LVRN: variants seen among roughly 807,000 people sequenced by gnomAD.
The protein encoded by LVRN is laeverin.
Under a neutral mutation model 111.4 loss-of-function variants are expected in LVRN, and 99 were observed. That is an observed-to-expected ratio of 0.89 (90% CI 0.76 to 1.05). The LOEUF is 1.05. LVRN is among the 50% of genes least tolerant of loss of function. The probability of loss-of-function intolerance (pLI) is 0.00; values close to 1 mark genes in which losing one functional copy is unlikely to be tolerated. For synonymous variants in LVRN, 488 were observed against 449.5 expected, an observed-to-expected ratio of 1.09 and a Z score of -1.08; for missense variants, 1,414 against 1,206.8, an observed-to-expected ratio of 1.17 and a Z score of -2.54.
chr5:116,005,974 A>T lies in LVRN; in HGVS notation c.2093+7A>T. 1 of 1,584,286 alleles carries T rather than the reference A, an allele frequency of 6.3e-7. No individual in the cohort carries two copies. The highest frequency in any genetic ancestry group is 8.7e-7 in the Non-Finnish European group (1 of 1,153,546). ...ATGCCTTTTCCTTGTCTAAGTGAGT[A>T]TATTTTCTTCTCTCATGGTTTCAGA... On this transcript the variant is annotated splice_region_variant and intron_variant, in intron 13 of 19. Transcript: ENST00000357872.
intron 1 of LVRN, among the ~76,000 whole-genome samples, chr5:115,969,760 A>T (rs930287143): frequency 2.7e-5 from 4 of 148,076 alleles, no homozygotes; most frequent in African/African-American, 1.0e-4. Flanking sequence ...AGATCGTGCC[A>T]CTGCACTCCA....
chr5:115,975,888 TG>T (rs1002517597), intron 1 of LVRN: 1 of 158,836 alleles, frequency 6.3e-6, no homozygotes, highest in African/African-American at 2.4e-5. Flanking sequence ...AATTGTAATT[TG>T]TTTTTTAAAA....
intron 6 of LVRN, among the ~76,000 whole-genome samples, chr5:115,996,501 C>T (rs1214900711): frequency 6.6e-6 from 1 of 152,126 alleles, no homozygotes; most frequent in African/African-American, 2.4e-5. Context: ...CTTAAGCTCT[C>T]CTTTCAATGA....
intron 10 of LVRN, among the ~76,000 whole-genome samples, chr5:116,001,709 G>A (rs558383090): frequency 2.3e-4 from 35 of 152,270 alleles, no homozygotes; most frequent in African/African-American, 5.8e-4. Context: ...GGATGCGTGC[G>A]TTTGTGTATT....
chr5:116,009,801 G>A (rs764966077), intron 13 of LVRN, among the ~76,000 whole-genome samples: 1 of 152,188 alleles, frequency 6.6e-6, no homozygotes, highest in East Asian at 1.9e-4. Context: ...AAGGAAAGTG[G>A]ATTCTTGAGA....
rs760159625 is a variant in LVRN at position 116,026,044 on chromosome 5, A to T, written c.2899A>T (p.Thr967Ser). 2 of 1,613,846 alleles carry T rather than the reference A, an allele frequency of 1.2e-6. No individual in the cohort carries two copies. Among genetic ancestry groups the T allele is most frequent in the East Asian group, 2.2e-5 (1 of 44,890 alleles). The change falls in exon 20 of 20, where the codon ACA (threonine) becomes TCA (serine). Residue 967 changes from threonine (T) to serine (S), a missense_variant. By Grantham distance (58) the Thr-to-Ser change is moderately conservative (BLOSUM62 1). Coordinates refer to ENST00000357872, the MANE Select transcript of LVRN (RefSeq NM_173800.5). ...QRIRVHANLQ[T>S]IKNENLKNKK... ...GATCAGAGTTCATGCCAACTTACAGACAATAAAGAATGAAAATCTGAAAAA... is the reference window on the plus strand; with the variant it reads ...GATCAGAGTTCATGCCAACTTACAGTCAATAAAGAATGAAAATCTGAAAAA...
chr5:115,990,682 C>A (rs1747966471), intron 4 of LVRN, among the ~76,000 whole-genome samples: 1 of 152,136 alleles, frequency 6.6e-6, no homozygotes, highest in African/African-American at 2.4e-5. Context: ...AGTGATTCTC[C>A]TGCCTCAGTC....
In LVRN at chr5:115,994,162, G is replaced by A. The variant is rs759315713; in HGVS notation, c.1374+308G>A. Among the ~76,000 whole-genome samples, 9 of 151,886 alleles carry A rather than the reference G, an allele frequency of 5.9e-5. No individual in the cohort carries two copies. In the South Asian group the frequency reaches 6.2e-4, roughly 11 times the overall value. On this transcript the variant is annotated intron_variant, in intron 6 of 19. Coordinates refer to ENST00000357872, the MANE Select transcript of LVRN (RefSeq NM_173800.5). The stretch of plus-strand genomic sequence containing the variant: ...TCCTGAGTATTTCTACAAATCATTA[G>A]ATCTTTTTAAAAAAGATTTTAAATG...
At chr5:116,015,156 C>A in intron 16 of LVRN, 96 bp from the exon 17 acceptor site, 1 of 1,001,380 alleles carries the variant, frequency 1.0e-6, no homozygotes, top group Non-Finnish European at 1.4e-6. Flanking sequence ...ATATCTGTGA[C>A]TATAAATATT....
intron 3 of LVRN, among the ~76,000 whole-genome samples, chr5:115,985,068 G>C (rs1041606966): frequency 6.6e-6 from 1 of 152,160 alleles, no homozygotes; most frequent in Non-Finnish European, 1.5e-5. Context: ...CTTAGCCCAG[G>C]GTTAATGGTG....
At chr5:116,024,550 A>G (rs1357678997) in intron 19 of LVRN, among the ~76,000 whole-genome samples, 1 of 152,224 alleles carries the variant, frequency 6.6e-6, no homozygotes, top group African/African-American at 2.4e-5. Context: ...AGAAAAGCAC[A>G]TTACACCCAG....
chr5:115,993,138 G>GT (rs1212688693), intron 5 of LVRN, among the ~76,000 whole-genome samples: 1 of 151,316 alleles, frequency 6.6e-6, no homozygotes, highest in African/African-American at 2.4e-5. Context: ...CAGGGCTTGC[G>GT]TTTGTTAGTT....
At position 116,015,437 on chromosome 5, in the gene LVRN, A is replaced by T; in HGVS notation, c.2618+18A>T. On this transcript the variant is annotated intron_variant, in intron 17 of 19. Coordinates refer to ENST00000357872, the MANE Select transcript of LVRN (RefSeq NM_173800.5). ...CTTAACAGGTGATTATGGTCAACTT[A>T]CCTTGAAAGTTTCTGTTATAGGAAT... 1 of 1,550,420 alleles carries T rather than the reference A, an allele frequency of 6.4e-7. No homozygotes were observed. The highest frequency in any genetic ancestry group is 8.7e-7 in the Non-Finnish European group (1 of 1,154,368).
At chr5:115,986,597 A>G (rs755308882) in intron 3 of LVRN, among the ~76,000 whole-genome samples, 2 of 152,202 alleles carry the variant, frequency 1.3e-5, no homozygotes, top group Non-Finnish European at 2.9e-5. Context: ...TACAAAGTTA[A>G]TGGGTCCATT....
rs1747756409 is a variant in LVRN at position 115,983,268 on chromosome 5, T to TC, written c.696-15dup. On this transcript the variant is annotated intron_variant, in intron 1 of 19. Transcript: ENST00000357872. ...GTTGAAATAAAAATAAATAAAAATTTCCCCAAAATGTATTTCAGGGCCCTG... is the reference window on the plus strand; with the variant it reads ...GTTGAAATAAAAATAAATAAAAATTTCCCCCAAAATGTATTTCAGGGCCCTG... 10 of 1,529,704 alleles carry TC rather than the reference T, an allele frequency of 6.5e-6. No homozygotes were observed. Among genetic ancestry groups the TC allele is most frequent in the Non-Finnish European group, 7.9e-6 (9 of 1,143,452 alleles). The allele number at this position is 1,529,704 out of a possible 1,614,324, so 94.8% of individuals were successfully genotyped here.
At chr5:116,015,211 T>C (rs1274186672) in intron 16 of LVRN, 41 bp from the exon 17 acceptor site, 6 of 1,463,574 alleles carry the variant, frequency 4.1e-6, no homozygotes, top group South Asian at 1.4e-5. Flanking sequence ...TGGGTAAACA[T>C]AACTACTATG....
intron 1 of LVRN, among the ~76,000 whole-genome samples, chr5:115,964,603 T>A (rs960194498): frequency 6.6e-6 from 1 of 152,146 alleles, no homozygotes; most frequent in African/African-American, 2.4e-5. Context: ...ATCTGACTTT[T>A]TTTTTTTTCT....
intron 1 of LVRN, among the ~76,000 whole-genome samples, chr5:115,979,472 A>C (rs556100565): frequency 1.3e-5 from 2 of 152,200 alleles, no homozygotes; most frequent in South Asian, 4.2e-4. Flanking sequence ...TAGCTTCTCC[A>C]ATCTCTTTTG....
chr5:115,978,821 G>C (rs757494796), intron 1 of LVRN, among the ~76,000 whole-genome samples: 1 of 152,060 alleles, frequency 6.6e-6, no homozygotes, highest in Non-Finnish European at 1.5e-5. Context: ...ATGGGGCTGG[G>C]GGTGACAGGG....
Sources: gnomAD v4.1 joint callset for allele counts (sites outside exome capture counted in the v4.1 genomes callset) on GRCh38, gnomAD v4.1.1 for gene constraint, MANE v1.5 for transcripts, NCBI Gene and HGNC (gene_info 2026-07-23, HGNC 2026-07-21) for gene names.